MLXIP: variants seen among roughly 807,000 people sequenced by gnomAD.
MLXIP encodes MLX interacting protein, also known as MLX-interacting protein.
In MLXIP, 30 loss-of-function variants were observed where a neutral mutation model predicts 87.2. The observed-to-expected ratio is 0.34, with a 90% CI of 0.26 to 0.47. The LOEUF is 0.47. Ranked by LOEUF, MLXIP falls within the 20% of genes least tolerant of loss-of-function variation. The probability of loss-of-function intolerance (pLI) is 1.00; values close to 1 mark genes in which losing one functional copy is unlikely to be tolerated. For missense variants in MLXIP, 1,002 were observed against 1,240.1 expected (o/e 0.81, Z 2.88); for synonymous variants, 530 against 514.0 (o/e 1.03, Z -0.42).
At chr12:122,117,524 C>T (rs1952710956) in intron 1 of MLXIP, among the ~76,000 whole-genome samples, 1 of 152,254 alleles carries the variant, frequency 6.6e-6, no homozygotes, top group Admixed American at 6.5e-5. Flanking sequence ...TCCACTCCCT[C>T]ATTGAAACCA....
In MLXIP at chr12:122,135,607, G is replaced by A. The variant is rs752362878; in HGVS notation, c.1973G>A (p.Gly658Glu). The change falls in exon 11 of 17, where the codon GGG (glycine) becomes GAG (glutamate). Residue 658 changes from glycine to glutamate, a missense_variant. By Grantham distance (98) the Gly-to-Glu change is moderately conservative (BLOSUM62 -2). This residue lies in a region of MLXIP where 746 missense variants were observed against 897.0 expected (regional missense o/e 0.83). Coordinates refer to ENST00000319080, the MANE Select transcript of MLXIP (RefSeq NM_014938.6). This position sits in a 1 kb window ranked among gnomAD's most constrained non-coding sequence, Gnocchi z 5.3. ...LFPSTAQDPL[G>E]KGEQVPLHGG... ...CCAAGCACAGCGCAAGACCCCCTGG[G>A]GAAGGGCGAGCAGGTCCCGCTGCAT... 1 of 1,577,320 alleles carries A rather than the reference G, an allele frequency of 6.3e-7. No individual in the cohort carries two copies. The highest frequency in any genetic ancestry group is 1.2e-5 in the South Asian group (1 of 85,026).
intron 1 of MLXIP, among the ~76,000 whole-genome samples, chr12:122,094,792 G>T (rs946378624): frequency 3.1e-4 from 44 of 142,048 alleles, no homozygotes; most frequent in Non-Finnish European, 5.2e-4. Context: ...TGGGGTGTGT[G>T]TTATGTGTGT....
rs267603349 is a variant in MLXIP, at chr12:122,138,279, C to T, written c.2240C>T (p.Ser747Phe). The change falls in exon 13 of 17, where the codon TCC (serine) becomes TTC (phenylalanine). Residue 747 changes from serine (S) to phenylalanine (F), a missense_variant. Transcript: ENST00000319080. ...MCFDMLNSLISNNSKLTSHAI... is the reference protein window; with the variant it reads ...MCFDMLNSLIFNNSKLTSHAI... ...TTCGACATGCTCAACAGCCTCATCT[C>T]CAACAATTCCAAGCTGGTGAGTTGC... 1 of 1,613,672 alleles carries T rather than the reference C, an allele frequency of 6.2e-7. No homozygotes were observed. The highest frequency in any genetic ancestry group is 8.5e-7 in the Non-Finnish European group (1 of 1,179,818).
rs769057771 is a variant in MLXIP, at chr12:122,127,852, T to C, written c.521-31T>C. 16 of 1,598,572 alleles carry C rather than the reference T, an allele frequency of 1.0e-5. 1 individual carries two copies. The South Asian group carries it at 1.5e-4, about 15-fold the overall frequency. On this transcript the variant is annotated intron_variant, in intron 2 of 16. Transcript: ENST00000319080. ...GGGGCTCCCTCAGGGGTCTGGATCA[T>C]GGTGCTGACTCTCACCCTCTCTCTG...
chr12:122,137,580 C>G lies in MLXIP; in HGVS notation c.2144C>G (p.Ala715Gly). The G allele has an allele frequency of 6.2e-7, 1 of 1,613,926 alleles. No homozygotes were observed. Among genetic ancestry groups the G allele is most frequent in the Non-Finnish European group, 8.5e-7 (1 of 1,179,808 alleles). The change falls in exon 12 of 17, where the codon GCT (alanine) becomes GGT (glycine). Residue 715 changes from alanine to glycine, a missense_variant. By Grantham distance (60) the Ala-to-Gly change is moderately conservative. Transcript: ENST00000319080. This position sits in a 1 kb window ranked among gnomAD's most constrained non-coding sequence, Gnocchi z 4.1. ...CSGKSDPKNVAALKNRQMKHI... is the reference protein window; with the variant it reads ...CSGKSDPKNVGALKNRQMKHI... ...GGGAAATCCGACCCCAAAAATGTGG[C>G]TGCACTAAAGGTACCGCATGTCTCC...
At chr12:122,085,945 A>T (rs1330309489) in intron 1 of MLXIP, among the ~76,000 whole-genome samples, 1 of 152,164 alleles carries the variant, frequency 6.6e-6, no homozygotes, top group Non-Finnish European at 1.5e-5. Context: ...TGACCTTAAC[A>T]TAGGGAGATT....
chr12:122,140,825 A>G, intron 15 of MLXIP, 129 bp from the exon 16 acceptor site: 1 of 1,400,508 alleles, frequency 7.1e-7, no homozygotes, highest in Non-Finnish European at 1.0e-6. Context: ...TCTTTTCCCC[A>G]GTGATCCATT....
intron 3 of MLXIP, 67 bp downstream of exon 3, chr12:122,128,035 C>T (rs532934455): frequency 2.2e-6 from 3 of 1,389,128 alleles, no homozygotes; most frequent in Admixed American, 3.4e-5. Context: ...GAGTGGCTCA[C>T]CGCGGGCTGG....
rs939726864 is a variant in MLXIP at position 122,128,942 on chromosome 12, G to A, written c.607-195G>A. The stretch of plus-strand genomic sequence containing the variant: ...GGCTACCTTAGGTCTTGAAATGACA[G>A]CGCATTGTTAGCTAGAGGGTCTGCT... On this transcript the variant is annotated intron_variant, in intron 3 of 16. Transcript: ENST00000319080. 4 of 596,698 alleles carry A rather than the reference G, an allele frequency of 6.7e-6. No homozygotes were observed. In the Admixed American group the frequency reaches 8.3e-5, roughly 12 times the overall value. The allele number at this position is 596,698 out of a possible 1,614,324, so 37.0% of individuals were successfully genotyped here.
intron 1 of MLXIP, among the ~76,000 whole-genome samples, chr12:122,113,875 C>T (rs866782022): frequency 2.0e-5 from 3 of 150,914 alleles, no homozygotes; most frequent in African/African-American, 4.9e-5. Context: ...TTAGTAGAGA[C>T]GGAGTTTCAC....
At chr12:122,082,731 C>T (rs1236987866) in intron 1 of MLXIP, among the ~76,000 whole-genome samples, 1 of 152,236 alleles carries the variant, frequency 6.6e-6, no homozygotes, top group South Asian at 2.1e-4. Flanking sequence ...CTTTCTGAGG[C>T]TCTACAATGG....
At position 122,146,610 on chromosome 12, in the gene MLXIP, TTGTG is replaced by T. The variant is rs1953305828; in HGVS notation, c.*4802_*4805del. ...GAACTCTTCACGTTGAATGTTGACT[TTGTG>T]TGTATGCGTGTGTGTGTGTGTGTGT... On this transcript the variant is annotated 3_prime_UTR_variant, in exon 17 of 17. Coordinates refer to ENST00000319080, the MANE Select transcript of MLXIP (RefSeq NM_014938.6). The T allele has an allele frequency of 7.4e-6, 1 of 135,538 alleles. No individual in the cohort carries two copies. Among genetic ancestry groups the T allele is most frequent in the Non-Finnish European group, 1.6e-5 (1 of 62,338 alleles). The allele number at this position is 135,538 out of a possible 1,614,324, so 8.4% of individuals were successfully genotyped here.
rs567417221 is a variant in MLXIP at position 122,110,250 on chromosome 12, C to T, written c.414-17006C>T. ...GGAGGATTGCTTGAGGTCAGGAGTT[C>T]GAGATCAGCCTGGGCAGCATGGGGA... On this transcript the variant is annotated intron_variant, in intron 1 of 16. Transcript: ENST00000319080. Among the ~76,000 whole-genome samples, 39 of 152,148 alleles carry T rather than the reference C, an allele frequency of 2.6e-4. No individual in the cohort carries two copies. In the South Asian group the frequency reaches 2.9e-3, roughly 11 times the overall value.
chr12:122,108,260 C>T (rs1952551761), intron 1 of MLXIP, among the ~76,000 whole-genome samples: 1 of 150,170 alleles, frequency 6.7e-6, no homozygotes, highest in Non-Finnish European at 1.5e-5. Flanking sequence ...CTCAGCTACT[C>T]AGGAGGCTGA....
intron 1 of MLXIP, among the ~76,000 whole-genome samples, chr12:122,118,326 C>T (rs1333061110): frequency 6.6e-6 from 1 of 152,188 alleles, no homozygotes; most frequent in Non-Finnish European, 1.5e-5. Context: ...GGGTAAAGCA[C>T]AATACCGCAG....
At position 122,118,645 on chromosome 12, in the gene MLXIP, C is replaced by T. The variant is rs993796798; in HGVS notation, c.414-8611C>T. On this transcript the variant is annotated intron_variant, in intron 1 of 16. Transcript: ENST00000319080. ...GGTGGATTGCTTGAGGTCAGGAGTT[C>T]GAGACCAGCCTGGCTAACATGGTGA... is the stretch of plus-strand genomic sequence containing the variant. Among the ~76,000 whole-genome samples, 16 of 151,796 alleles carry T rather than the reference C, an allele frequency of 1.1e-4. 1 individual carries two copies. The highest frequency in any genetic ancestry group is 5.9e-5 in the Non-Finnish European group (4 of 67,964).
At chr12:122,124,555 CTG>C (rs1952848610) in intron 1 of MLXIP, among the ~76,000 whole-genome samples, 1 of 149,640 alleles carries the variant, frequency 6.7e-6, no homozygotes, top group South Asian at 2.2e-4. Context: ...GCCCAGGTCT[CTG>C]TTCCTGGTGT....
chr12:122,125,897 C>T (rs1038792349), intron 1 of MLXIP, among the ~76,000 whole-genome samples: 18 of 152,230 alleles, frequency 1.2e-4, no homozygotes, highest in African/African-American at 4.3e-4. Context: ...GGGCATCTGC[C>T]TTCCAGGGCA....
intron 1 of MLXIP, among the ~76,000 whole-genome samples, chr12:122,126,413 G>A (rs1952882231): frequency 6.6e-6 from 1 of 152,186 alleles, no homozygotes; most frequent in African/African-American, 2.4e-5. Flanking sequence ...GCAGCAGCCT[G>A]GGAGAGGCCA....
Sources: allele counts gnomAD v4.1 joint callset (sites outside exome capture counted in the v4.1 genomes callset), GRCh38; gene constraint gnomAD v4.1.1; regional missense constraint gnomAD v4.1.1; non-coding constraint Gnocchi (gnomAD v3.1); transcripts MANE v1.5; gene names NCBI Gene and HGNC (gene_info 2026-07-23, HGNC 2026-07-21).